PACSIN2: variants seen among roughly 807,000 people sequenced by gnomAD.
The protein encoded by PACSIN2 is protein kinase C and casein kinase substrate in neurons 2, also known as protein kinase C and casein kinase substrate in neurons protein 2.
PACSIN2 carries 25 observed loss-of-function variants against 63.8 expected under a neutral mutation model. The ratio of observed to expected loss-of-function variants is 0.39; its 90% CI spans 0.29 to 0.55. PACSIN2 has a LOEUF of 0.55. Ranked by LOEUF, PACSIN2 falls within the 20% of genes least tolerant of loss-of-function variation. The pLI is 0.62. For missense variants in PACSIN2, 518 were observed against 646.9 expected (o/e 0.80, Z 2.16); for synonymous variants, 255 against 256.2 (o/e 1.00, Z 0.05).
chr22:42,981,461 G>A (rs1234273397), intron 1 of PACSIN2, among the ~76,000 whole-genome samples: 2 of 77,168 alleles, frequency 2.6e-5, no homozygotes, highest in African/African-American at 1.3e-4. Context: ...CCGGCCAGCC[G>A]CCCCGTCCGG....
intron 1 of PACSIN2, among the ~76,000 whole-genome samples, chr22:42,990,992 G>A (rs979487538): frequency 2.0e-5 from 3 of 152,156 alleles, no homozygotes; most frequent in Non-Finnish European, 4.4e-5. Flanking sequence ...ACGCTGTTGT[G>A]AGGACTCAAC....
At chr22:42,892,616 T>C (rs1602195389) in intron 3 of PACSIN2, among the ~76,000 whole-genome samples, 1 of 152,182 alleles carries the variant, frequency 6.6e-6, no homozygotes, top group East Asian at 1.9e-4. Flanking sequence ...GCCCCTCCTC[T>C]GCCACGTGCC....
chr22:42,940,828 G>C (rs1316353734), intron 1 of PACSIN2, among the ~76,000 whole-genome samples: 3 of 152,226 alleles, frequency 2.0e-5, no homozygotes, highest in Non-Finnish European at 4.4e-5. Context: ...GGATTATTTA[G>C]CCAGGAGAGG....
chr22:42,983,503 A>AAC, intron 1 of PACSIN2, among the ~76,000 whole-genome samples: 1 of 151,386 alleles, frequency 6.6e-6, no homozygotes, highest in African/African-American at 2.4e-5. Flanking sequence ...AAAAAAAAAA[A>AAC]AAAAACAGAT....
chr22:42,902,527 T>A (rs1285561823), intron 2 of PACSIN2, among the ~76,000 whole-genome samples: 1 of 152,098 alleles, frequency 6.6e-6, no homozygotes, highest in African/African-American at 2.4e-5. Flanking sequence ...CCATTCCCCC[T>A]GGAAAGGAAG....
At chr22:42,947,839 C>T (rs1176243122) in intron 1 of PACSIN2, among the ~76,000 whole-genome samples, 1 of 152,234 alleles carries the variant, frequency 6.6e-6, no homozygotes, top group Non-Finnish European at 1.5e-5. Context: ...GTATGGGGAC[C>T]TTCCACAAGC....
At position 43,009,863 on chromosome 22, in the gene PACSIN2, C is replaced by CTTT. The variant is rs762256300; in HGVS notation, c.-78+5157_-78+5158insAAA. On this transcript the variant is annotated intron_variant, in intron 1 of 10. Coordinates refer to ENST00000263246, the MANE Select transcript of PACSIN2 (RefSeq NM_001184970.3). ...TAGTTGAGACATCATTTTATTTTTT[C>CTTT]TATTTTTTTTTTTTTTTTTTTTTGA... Among the ~76,000 whole-genome samples, 179 of 131,770 alleles carry CTTT rather than the reference C, an allele frequency of 1.4e-3. 12 individuals carry two copies. Among genetic ancestry groups the CTTT allele is most frequent in the Non-Finnish European group, 1.7e-3 (105 of 63,092 alleles). The allele number at this position is 131,770 out of a possible 152,430, so 86.4% of individuals were successfully genotyped here. A position where few individuals can be genotyped will look rare whatever the true frequency, so the allele number is the denominator to read the frequency against.
rs370253190 is a variant in PACSIN2, at chr22:42,884,509, T to C, written c.662A>G (p.Gln221Arg). The C allele has an allele frequency of 1.9e-6, 3 of 1,614,062 alleles. No individual in the cohort carries two copies. In the African/African-American group the frequency reaches 4.0e-5, roughly 22 times the overall value. ...SLKELDQGTPQYMENMEQVFE... is the reference protein window; with the variant it reads ...SLKELDQGTPRYMENMEQVFE... ...CACCTGCTCCATGTTCTCCATGTAC[T>C]GGGGTGTGCCCTGGTCGAGTTCCTT... The change falls in exon 6 of 11, where the codon CAG (glutamine) becomes CGG (arginine). Residue 221 changes from glutamine to arginine, a missense_variant. Transcript: ENST00000263246.
At chr22:42,953,928 T>C (rs558076288) in intron 1 of PACSIN2, among the ~76,000 whole-genome samples, 10 of 152,290 alleles carry the variant, frequency 6.6e-5, no homozygotes, top group Non-Finnish European at 1.2e-4. Context: ...AGAGCAAGAA[T>C]GGTATTCTGG....
chr22:42,903,283 T>C (rs1019327670), intron 2 of PACSIN2, among the ~76,000 whole-genome samples: 1 of 152,216 alleles, frequency 6.6e-6, no homozygotes, highest in Non-Finnish European at 1.5e-5. Context: ...CTGGCAGATG[T>C]TGTATCCTGT....
At chr22:42,909,942 C>A (rs947248712) in intron 2 of PACSIN2, among the ~76,000 whole-genome samples, 19 of 152,300 alleles carry the variant, frequency 1.2e-4, no homozygotes, top group African/African-American at 4.6e-4. Flanking sequence ...GGGAAGGGCC[C>A]CCACCAGCCT....
rs773330027 is a variant in PACSIN2, at chr22:42,882,228, C to T, written c.862G>A (p.Ala288Thr). The T allele has an allele frequency of 2.5e-6, 4 of 1,613,982 alleles. No homozygotes were observed. The South Asian group carries it at 3.3e-5, about 13-fold the overall frequency. Residue 288 changes from alanine (A) to threonine (T), a missense_variant, in exon 7 of 11, where the codon GCC becomes ACC. Physicochemically the swap from Ala to Thr is moderately conservative, Grantham distance 58. Coordinates refer to ENST00000263246, the MANE Select transcript of PACSIN2 (RefSeq NM_001184970.3). ...DAVEDLRWFR[A>T]NHGPGMAMNW... ...ATGGCCATGCCCGGCCCGTGATTGG[C>T]TCGGAACCACCTCAGGTCCTCCACT... is the stretch of plus-strand genomic sequence containing the variant.
chr22:42,931,524 C>T (rs1932776983), intron 1 of PACSIN2, among the ~76,000 whole-genome samples: 1 of 152,150 alleles, frequency 6.6e-6, no homozygotes, highest in African/African-American at 2.4e-5. Context: ...GGAACACAGT[C>T]AGCGTCAATG....
At chr22:42,980,177 C>T (rs1305399257) in intron 1 of PACSIN2, among the ~76,000 whole-genome samples, 1 of 152,018 alleles carries the variant, frequency 6.6e-6, no homozygotes, top group Non-Finnish European at 1.5e-5. Context: ...ATTCCACATT[C>T]ATGTTGCTTC....
At chr22:42,952,653 C>T (rs1043222340) in intron 1 of PACSIN2, among the ~76,000 whole-genome samples, 4 of 149,446 alleles carry the variant, frequency 2.7e-5, no homozygotes, top group East Asian at 4.0e-4. Context: ...CCACCACACC[C>T]GGCCTATTTA....
intron 1 of PACSIN2, chr22:43,002,466 T>C (rs1923831425): frequency 6.6e-6 from 1 of 152,140 alleles, no homozygotes; most frequent in South Asian, 2.1e-4. Flanking sequence ...AGTAAAATGA[T>C]ATCCAGAAAC....
chr22:42,984,914 C>G (rs1922499610), intron 1 of PACSIN2, among the ~76,000 whole-genome samples: 1 of 152,118 alleles, frequency 6.6e-6, no homozygotes, highest in Non-Finnish European at 1.5e-5. Flanking sequence ...AAAGTAGGCC[C>G]CACCCCTAGT....
At chr22:42,958,004 C>T (rs1049095660) in intron 1 of PACSIN2, among the ~76,000 whole-genome samples, 2 of 151,824 alleles carry the variant, frequency 1.3e-5, no homozygotes, top group African/African-American at 4.8e-5. Context: ...ATTCACTATA[C>T]ATCTATGCAA....
intron 1 of PACSIN2, among the ~76,000 whole-genome samples, chr22:42,956,622 T>C (rs757487564): frequency 3.3e-5 from 5 of 152,192 alleles, no homozygotes; most frequent in South Asian, 4.1e-4. Flanking sequence ...TGTTTCTTCA[T>C]AGTCTTAGAG....
Sources: allele counts gnomAD v4.1 joint callset (sites outside exome capture counted in the v4.1 genomes callset), GRCh38; gene constraint gnomAD v4.1.1; transcripts MANE v1.5; gene names NCBI Gene and HGNC (gene_info 2026-07-23, HGNC 2026-07-21).